Variants in SLC24A2 observed in about 807,000 individuals in gnomAD.
SLC24A2 encodes the protein sodium/potassium/calcium exchanger 2.
Under a neutral mutation model 62.0 loss-of-function variants are expected in SLC24A2, and 36 were observed. The ratio of observed to expected loss-of-function variants is 0.58; its 90% CI spans 0.44 to 0.77. SLC24A2 has a LOEUF of 0.77. Among genes scored for constraint, SLC24A2 ranks in the 30% least tolerant of loss-of-function variants. The pLI is 0.00. For synonymous variants in SLC24A2, 358 were observed against 294.0 expected (o/e 1.22, Z -2.23); for missense variants, 846 against 817.9 (o/e 1.03, Z -0.42).
the SLC24A2 span, among the ~76,000 whole-genome samples, chr9:20,102,950 A>G: frequency 6.6e-6 from 1 of 152,118 alleles, no homozygotes; most frequent in Non-Finnish European, 1.5e-5. Context: ...TAGTCAAAGA[A>G]AGGGGTGACA....
At chr9:19,931,443 A>G in the SLC24A2 span, among the ~76,000 whole-genome samples, 1 of 152,238 alleles carries the variant, frequency 6.6e-6, no homozygotes, top group Non-Finnish European at 1.5e-5. Flanking sequence ...ATCACACAAA[A>G]ATCTATTTAG....
chr9:20,067,664 G>A, the SLC24A2 span, among the ~76,000 whole-genome samples: 2 of 152,134 alleles, frequency 1.3e-5, no homozygotes, highest in South Asian at 2.1e-4. Flanking sequence ...GCATTAATTC[G>A]GTCAGGTTTA....
intron 2 of SLC24A2, among the ~76,000 whole-genome samples, chr9:19,693,005 G>T (rs1820086482): frequency 1.3e-5 from 2 of 152,040 alleles, no homozygotes; most frequent in South Asian, 4.2e-4. Context: ...CCATAAAATG[G>T]GGACATTATT....
chr9:20,023,870 A>G, the SLC24A2 span, among the ~76,000 whole-genome samples: 1 of 152,180 alleles, frequency 6.6e-6, no homozygotes, highest in African/African-American at 2.4e-5. Flanking sequence ...CTACCACTCT[A>G]CTTAGGAATA....
chr9:19,770,598 G>A (rs2118890710), intron 2 of SLC24A2, among the ~76,000 whole-genome samples: 1 of 152,250 alleles, frequency 6.6e-6, no homozygotes, highest in South Asian at 2.1e-4. Context: ...ACAAGAGAAA[G>A]GTCATCTGCT....
At chr9:19,744,890 C>T (rs1821787615) in intron 2 of SLC24A2, among the ~76,000 whole-genome samples, 1 of 152,118 alleles carries the variant, frequency 6.6e-6, no homozygotes, top group Admixed American at 6.6e-5. Flanking sequence ...CTCTCCTTAT[C>T]CAACTTCAAT....
the SLC24A2 span, among the ~76,000 whole-genome samples, chr9:20,053,706 T>A: frequency 6.6e-6 from 1 of 152,178 alleles, no homozygotes; most frequent in Non-Finnish European, 1.5e-5. Context: ...AGGAAAAAGA[T>A]GGCTGTTTAT....
chr9:19,930,901 TG>T, the SLC24A2 span, among the ~76,000 whole-genome samples: 1 of 152,160 alleles, frequency 6.6e-6, no homozygotes, highest in Non-Finnish European at 1.5e-5. Flanking sequence ...AGATTAATAA[TG>T]GGGGAAACTA....
chr9:20,052,030 G>A, the SLC24A2 span, among the ~76,000 whole-genome samples: 2 of 151,994 alleles, frequency 1.3e-5, no homozygotes, highest in African/African-American at 4.8e-5. Context: ...AATAGTTCCC[G>A]GAACAGTGAA....
At chr9:19,847,805 T>A in the SLC24A2 span, among the ~76,000 whole-genome samples, 1 of 152,184 alleles carries the variant, frequency 6.6e-6, no homozygotes, top group African/African-American at 2.4e-5. Context: ...TGATTTTGAC[T>A]ATTTTCATTT....
At chr9:19,557,879 C>T (rs1455537892) in intron 7 of SLC24A2, among the ~76,000 whole-genome samples, 1 of 150,378 alleles carries the variant, frequency 6.6e-6, no homozygotes, top group Non-Finnish European at 1.5e-5. Context: ...AGTGCAGTGG[C>T]ATGATCTCAG....
intron 5 of SLC24A2, among the ~76,000 whole-genome samples, chr9:19,578,882 A>G (rs114381951): frequency 3.5e-3 from 528 of 152,346 alleles, no homozygotes; most frequent in African/African-American, 0.012. Context: ...CTTTGCCACA[A>G]CAAAGGCAAA....
the SLC24A2 span, among the ~76,000 whole-genome samples, chr9:19,992,826 G>T: frequency 6.6e-6 from 1 of 152,188 alleles, no homozygotes; most frequent in African/African-American, 2.4e-5. Context: ...TAACCCACAA[G>T]GGTGTGAATG....
chr9:19,988,856 C>T, the SLC24A2 span, among the ~76,000 whole-genome samples: 1 of 152,124 alleles, frequency 6.6e-6, no homozygotes, highest in Admixed American at 6.5e-5. Context: ...AGGAAAACCT[C>T]CTAGGAGGAC....
chr9:19,855,055 G>A, the SLC24A2 span, among the ~76,000 whole-genome samples: 3 of 152,060 alleles, frequency 2.0e-5, no homozygotes, highest in African/African-American at 7.2e-5. Context: ...GCCCTCCTTT[G>A]TCTTTTTTAA....
At chr9:19,949,087 G>A in the SLC24A2 span, among the ~76,000 whole-genome samples, 1 of 151,938 alleles carries the variant, frequency 6.6e-6, no homozygotes, top group Non-Finnish European at 1.5e-5. Context: ...TCTGCCCCCT[G>A]AGTTCAAGTG....
chr9:19,602,507 A>G (rs1836868374), intron 4 of SLC24A2, among the ~76,000 whole-genome samples: 1 of 152,232 alleles, frequency 6.6e-6, no homozygotes, highest in Non-Finnish European at 1.5e-5. Context: ...GTATAATCTA[A>G]CATCAGGTAC....
the SLC24A2 span, among the ~76,000 whole-genome samples, chr9:20,015,893 A>G: frequency 6.6e-6 from 1 of 152,220 alleles, no homozygotes; most frequent in Non-Finnish European, 1.5e-5. Flanking sequence ...TTAACATCCC[A>G]TTACATAAGA....
chr9:19,687,792 T>C (rs188817686), intron 2 of SLC24A2, among the ~76,000 whole-genome samples: 1 of 152,262 alleles, frequency 6.6e-6, no homozygotes, highest in Non-Finnish European at 1.5e-5. Flanking sequence ...GGATTGGATT[T>C]GAACCCTATA....
Sources: allele counts gnomAD v4.1 joint callset (sites outside exome capture counted in the v4.1 genomes callset), GRCh38; gene constraint gnomAD v4.1.1; transcripts MANE v1.5; gene names NCBI Gene and HGNC (gene_info 2026-07-23, HGNC 2026-07-21).